ENTREP2: variants seen among roughly 807,000 people sequenced by gnomAD.
ENTREP2 encodes the protein endosomal transmembrane epsin interactor 2.
chr15:29,171,784 A>C, the ENTREP2 span, among the ~76,000 whole-genome samples: 1 of 152,186 alleles, frequency 6.6e-6, no homozygotes, highest in Non-Finnish European at 1.5e-5. Flanking sequence ...TACATGAAAA[A>C]AGAAAAAAGA....
chr15:29,421,578 T>A, the ENTREP2 span, among the ~76,000 whole-genome samples: 1 of 152,210 alleles, frequency 6.6e-6, no homozygotes, highest in African/African-American at 2.4e-5. Flanking sequence ...TAAACTATGT[T>A]TTCATTTCAT....
the ENTREP2 span, among the ~76,000 whole-genome samples, chr15:29,195,955 T>A: frequency 6.6e-6 from 1 of 152,164 alleles, no homozygotes; most frequent in Admixed American, 6.5e-5. Context: ...GAAGAAAAAA[T>A]AAAATAATAT....
the ENTREP2 span, among the ~76,000 whole-genome samples, chr15:29,536,354 A>G: frequency 6.6e-6 from 1 of 152,184 alleles, no homozygotes; most frequent in Non-Finnish European, 1.5e-5. Flanking sequence ...AGAAAGATGG[A>G]AAACACATGG....
chr15:29,234,509 C>T, the ENTREP2 span: 1 of 1,415,812 alleles, frequency 7.1e-7, no homozygotes. Flanking sequence ...ATAAGAACAA[C>T]CAACGGCAAG....
At chr15:29,395,687 C>T in the ENTREP2 span, among the ~76,000 whole-genome samples, 1 of 149,916 alleles carries the variant, frequency 6.7e-6, no homozygotes, top group Non-Finnish European at 1.5e-5. Flanking sequence ...GCCACCACAC[C>T]CAGCTAGTTT....
chr15:29,415,663 G>A, the ENTREP2 span, among the ~76,000 whole-genome samples: 1 of 152,166 alleles, frequency 6.6e-6, no homozygotes, highest in Admixed American at 6.5e-5. Context: ...AGTCAGGCAG[G>A]AGAAGGAGAT....
the ENTREP2 span, among the ~76,000 whole-genome samples, chr15:29,127,631 A>G: frequency 6.6e-5 from 10 of 152,152 alleles, no homozygotes; most frequent in Admixed American, 4.6e-4. Flanking sequence ...CCTGTACCCC[A>G]GCAGAAGCCT....
chr15:29,613,258 T>C, the ENTREP2 span: 6 of 171,178 alleles, frequency 3.5e-5, no homozygotes, highest in Non-Finnish European at 7.5e-5. Flanking sequence ...CGTTGGCTTC[T>C]AGCGCATCGG....
chr15:29,322,415 A>T, the ENTREP2 span, among the ~76,000 whole-genome samples: 1 of 152,192 alleles, frequency 6.6e-6, no homozygotes. Context: ...CCTGACCAAC[A>T]TCTCCTCAAC....
At chr15:29,510,973 A>C in the ENTREP2 span, among the ~76,000 whole-genome samples, 1 of 152,152 alleles carries the variant, frequency 6.6e-6, no homozygotes, top group Non-Finnish European at 1.5e-5. Flanking sequence ...TCTCACTCAT[A>C]AGTGGGAGGT....
the ENTREP2 span, among the ~76,000 whole-genome samples, chr15:29,392,288 A>AT: frequency 6.6e-6 from 1 of 152,100 alleles, no homozygotes; most frequent in African/African-American, 2.4e-5. Flanking sequence ...CATGCTTTTA[A>AT]AAACCTTATT....
chr15:29,423,644 A>T, the ENTREP2 span, among the ~76,000 whole-genome samples: 2 of 151,932 alleles, frequency 1.3e-5, no homozygotes, highest in African/African-American at 4.8e-5. Flanking sequence ...AAAAAAAAAA[A>T]AAAATTAGCC....
chr15:29,389,291 T>A, the ENTREP2 span, among the ~76,000 whole-genome samples: 2 of 152,174 alleles, frequency 1.3e-5, no homozygotes, highest in African/African-American at 2.4e-5. Context: ...TCTATGCTAT[T>A]TCGTTATGGC....
chr15:29,405,856 C>T, the ENTREP2 span, among the ~76,000 whole-genome samples: 1 of 152,226 alleles, frequency 6.6e-6, no homozygotes, highest in Non-Finnish European at 1.5e-5. Flanking sequence ...CTTCACAGCC[C>T]CACGGAGGCA....
At chr15:29,223,172 G>C in the ENTREP2 span, among the ~76,000 whole-genome samples, 1 of 152,280 alleles carries the variant, frequency 6.6e-6, no homozygotes, top group East Asian at 1.9e-4. Context: ...TTATTCTTGG[G>C]GGAGATCATA....
At chr15:29,659,481 A>AT in the ENTREP2 span, among the ~76,000 whole-genome samples, 73 of 152,206 alleles carry the variant, frequency 4.8e-4, no homozygotes, top group African/African-American at 1.2e-3. Context: ...AAAAAAATAA[A>AT]AAATAATAAT....
the ENTREP2 span, among the ~76,000 whole-genome samples, chr15:29,170,307 C>CAAAAAA: frequency 1.1e-3 from 62 of 57,280 alleles, no homozygotes; most frequent in Middle Eastern, 0.012. Flanking sequence ...GACTCCATCT[C>CAAAAAA]AAAAAAAAAA....
At chr15:29,614,835 T>C in the ENTREP2 span, among the ~76,000 whole-genome samples, 2 of 152,040 alleles carry the variant, frequency 1.3e-5, no homozygotes, top group East Asian at 1.9e-4. Context: ...GGCTGGAAGA[T>C]TGCTTGAGCT....
At chr15:29,455,439 A>G in the ENTREP2 span, among the ~76,000 whole-genome samples, 5 of 152,206 alleles carry the variant, frequency 3.3e-5, no homozygotes, top group Non-Finnish European at 5.9e-5. Flanking sequence ...TACAGCTGCC[A>G]TTATTACTAC....
Sources: gnomAD v4.1 joint callset for allele counts (sites outside exome capture counted in the v4.1 genomes callset) on GRCh38, gnomAD v4.1.1 for gene constraint, MANE v1.5 for transcripts, NCBI Gene and HGNC (gene_info 2026-07-23, HGNC 2026-07-21) for gene names.